CDC6: variants seen among roughly 807,000 people sequenced by gnomAD.
CDC6 encodes cell division cycle 6, also known as DNA replication factor CDC6.
A neutral mutation model predicts 60.2 loss-of-function variants in CDC6; 46 were observed. That is an observed-to-expected ratio of 0.76 (90% CI 0.60 to 0.98). The LOEUF (loss-of-function observed/expected upper bound fraction) is 0.98. CDC6 is among the 50% of genes least tolerant of loss of function. CDC6 has a pLI of 0.00. For missense variants in CDC6, 596 were observed against 652.9 expected (o/e 0.91, Z 0.95); for synonymous variants, 210 against 233.2 (o/e 0.90, Z 0.90).
chr17:40,293,540 G>A lies in CDC6; in HGVS notation c.745G>A (p.Glu249Lys), dbSNP rs145734080. The change falls in exon 5 of 12, where the codon GAG becomes AAG. Residue 249 changes from glutamate (E) to lysine (K), a missense_variant. By Grantham distance (56) the Glu-to-Lys change is moderately conservative. Transcript: ENST00000209728. ...AQAVFPAIAQ[E>K]ICQEEVSRPA... The stretch of plus-strand genomic sequence containing the variant: ...GGCTGTATTCCCAGCTATTGCTCAG[G>A]AGATTTGTCAGGAAGAGGTATCCAG... The A allele has an allele frequency of 5.0e-6, 8 of 1,613,946 alleles. No homozygotes were observed. The highest frequency in any genetic ancestry group is 1.3e-5 in the African/African-American group (1 of 75,038).
chr17:40,292,165 T>C (rs1238099352), intron 4 of CDC6, among the ~76,000 whole-genome samples: 2 of 152,174 alleles, frequency 1.3e-5, no homozygotes, highest in Non-Finnish European at 2.9e-5. Flanking sequence ...GCCTCCTGGA[T>C]AGCTGGGAAT....
chr17:40,293,518 T>C lies in CDC6; in HGVS notation c.723T>C (p.Ala241=), dbSNP rs1274101804. 3 of 1,613,768 alleles carry C rather than the reference T, an allele frequency of 1.9e-6. No individual in the cohort carries two copies. In the African/African-American group the frequency reaches 4.0e-5, roughly 22 times the overall value. Residue 241 remains alanine (A), a synonymous_variant, in exon 5 of 12, where the codon GCT becomes GCC. Transcript: ENST00000209728. ...GCATGTCCTTGAGGACTGCCCAGGC[T>C]GTATTCCCAGCTATTGCTCAGGAGA... ...LNCMSLRTAQ[A]VFPAIAQEIC...
intron 1 of CDC6, 184 bp from the exon 2 acceptor site, chr17:40,289,224 T>C (rs1302581110): frequency 1.0e-5 from 6 of 591,112 alleles, no homozygotes; most frequent in East Asian, 3.1e-5. Flanking sequence ...ACGTAGTAGG[T>C]AGACAACAAA....
Position 40,301,041 on chromosome 17 carries a change from A to G in CDC6, c.1452+11A>G. 1 of 1,577,272 alleles carries G rather than the reference A, an allele frequency of 6.3e-7. No homozygotes were observed. The highest frequency in any genetic ancestry group is 8.7e-7 in the Non-Finnish European group (1 of 1,147,068). ...GTCACTCTGGGGAAGGTAAGTTGGGATGGAGCAGATGGAACGGAGGTAGAG... is the reference window on the plus strand; with the variant it reads ...GTCACTCTGGGGAAGGTAAGTTGGGGTGGAGCAGATGGAACGGAGGTAGAG... On this transcript the variant is annotated intron_variant, in intron 10 of 11. Coordinates refer to ENST00000209728, the MANE Select transcript of CDC6 (RefSeq NM_001254.4).
In CDC6 at chr17:40,301,049, G is replaced by C. The variant is rs1417024662; in HGVS notation, c.1452+19G>C. The C allele has an allele frequency of 1.3e-6, 2 of 1,551,360 alleles. No homozygotes were observed. Among genetic ancestry groups the C allele is most frequent in the Middle Eastern group, 1.9e-4 (1 of 5,162 alleles). On this transcript the variant is annotated intron_variant, in intron 10 of 11. Coordinates refer to ENST00000209728, the MANE Select transcript of CDC6 (RefSeq NM_001254.4). ...GGGGAAGGTAAGTTGGGATGGAGCA[G>C]ATGGAACGGAGGTAGAGATCAGAAT...
chr17:40,298,965 C>T (rs766498242), intron 9 of CDC6, among the ~76,000 whole-genome samples: 4 of 151,782 alleles, frequency 2.6e-5, no homozygotes, highest in Non-Finnish European at 4.4e-5. Context: ...CTGTGATCTC[C>T]GGTTTCTCCA....
At chr17:40,299,257 C>T (rs2032904647) in intron 9 of CDC6, among the ~76,000 whole-genome samples, 2 of 150,238 alleles carry the variant, frequency 1.3e-5, no homozygotes, top group South Asian at 4.2e-4. Flanking sequence ...AAGCCATCCT[C>T]CCACCCCAGC....
Position 40,294,532 on chromosome 17 carries a change from G to A in CDC6, c.1083+29G>A. The A allele has an allele frequency of 2.5e-6, 4 of 1,609,188 alleles. No homozygotes were observed. In the Admixed American group the frequency reaches 6.7e-5, roughly 27 times the overall value. On this transcript the variant is annotated intron_variant, in intron 7 of 11. Transcript: ENST00000209728. ...AGTGCCAACTATTTTGCCAAATTAT[G>A]TGTTCCTTGGATCACCTGTGCTAGG...
intron 11 of CDC6, 141 bp downstream of exon 11, chr17:40,301,749 AGATGGGAGTGTGAT>A: frequency 1.0e-6 from 1 of 973,784 alleles, no homozygotes; most frequent in Non-Finnish European, 1.7e-6. Flanking sequence ...AGGTGTGTAA[AGATGGGAGTGTGAT>A]ATGAATATTT....
chr17:40,296,507 G>T (rs909869783), intron 8 of CDC6, among the ~76,000 whole-genome samples, 196 bp from the exon 9 acceptor site: 1 of 152,042 alleles, frequency 6.6e-6, no homozygotes. Flanking sequence ...TTGTTTGGGG[G>T]CTTTAAAATT....
chr17:40,289,091 T>C, intron 1 of CDC6: 1 of 322,802 alleles, frequency 3.1e-6, no homozygotes, highest in Non-Finnish European at 6.0e-6. Flanking sequence ...TGTTTTTCTG[T>C]GACTTTGGGC....
chr17:40,290,030 C>G (rs1003468439), intron 2 of CDC6, among the ~76,000 whole-genome samples: 4 of 152,028 alleles, frequency 2.6e-5, no homozygotes, highest in Admixed American at 1.3e-4. Flanking sequence ...TGGCCTAAGA[C>G]TACTCTTCAT....
At chr17:40,295,150 ACTT>A (rs778926368) in intron 7 of CDC6, among the ~76,000 whole-genome samples, 2 of 152,282 alleles carry the variant, frequency 1.3e-5, no homozygotes, top group East Asian at 1.9e-4. Context: ...CCATTTATGA[ACTT>A]CTACTGCATC....
chr17:40,294,007 C>T lies in CDC6; in HGVS notation c.894C>T (p.Tyr298=), dbSNP rs537454091. Residue 298 remains tyrosine, a synonymous_variant, in exon 6 of 12, where the codon TAC becomes TAT. Coordinates refer to ENST00000209728, the MANE Select transcript of CDC6 (RefSeq NM_001254.4). ...ACAGCAAAGGCCAGGATGTATTGTA[C>T]ACGCTATTTGAATGGCCATGGCTAA... ...QLDSKGQDVL[Y]TLFEWPWLSN... 10 of 1,614,064 alleles carry T rather than the reference C, an allele frequency of 6.2e-6. No individual in the cohort carries two copies. The East Asian group carries it at 2.0e-4, about 32-fold the overall frequency.
chr17:40,293,723 A>G (rs1319545453), intron 5 of CDC6, 92 bp downstream of exon 5: 4 of 1,095,194 alleles, frequency 3.7e-6, no homozygotes, highest in African/African-American at 1.5e-5. Context: ...TCTCTGAAGG[A>G]TAGTTACATA....
chr17:40,299,179 C>T (rs1371142462), intron 9 of CDC6, among the ~76,000 whole-genome samples: 4 of 105,036 alleles, frequency 3.8e-5, no homozygotes, highest in African/African-American at 1.1e-4. Flanking sequence ...GACAGGGTCT[C>T]GCTCTGTCAC....
chr17:40,289,181 T>A, intron 1 of CDC6: 1 of 472,568 alleles, frequency 2.1e-6, no homozygotes, highest in Non-Finnish European at 3.9e-6. Context: ...TTAAACGAGT[T>A]GGTACCTAAA....
At chr17:40,294,086 T>C (rs779809784) in intron 6 of CDC6, 30 bp downstream of exon 6, 2 of 1,463,234 alleles carry the variant, frequency 1.4e-6, no homozygotes, top group Non-Finnish European at 1.9e-6. Flanking sequence ...TGTTACATGG[T>C]GGTTCTAAAG....
chr17:40,290,945 G>A (rs2032747836), intron 2 of CDC6, 113 bp from the exon 3 acceptor site: 2 of 1,074,256 alleles, frequency 1.9e-6, no homozygotes, highest in Non-Finnish European at 2.9e-6. Flanking sequence ...TTTTATTTTG[G>A]TGGTTCTGAC....
Sources: allele counts gnomAD v4.1 joint callset (sites outside exome capture counted in the v4.1 genomes callset), GRCh38; gene constraint gnomAD v4.1.1; transcripts MANE v1.5; gene names NCBI Gene and HGNC (gene_info 2026-07-23, HGNC 2026-07-21).